Variants in MYO10 observed in about 807,000 individuals in gnomAD.
MYO10 encodes unconventional myosin-X.
In MYO10, 133 loss-of-function variants were observed where a neutral mutation model predicts 257.3. That is an observed-to-expected ratio of 0.52 (90% CI 0.45 to 0.60). MYO10 has a LOEUF of 0.60. MYO10 is among the 20% of genes least tolerant of loss of function. The probability of loss-of-function intolerance (pLI) is 0.00; values close to 1 mark genes in which losing one functional copy is unlikely to be tolerated. For missense variants in MYO10, 2,399 were observed against 2,635.7 expected (o/e 0.91, Z 1.97); for synonymous variants, 1,104 against 1,028.6 (o/e 1.07, Z -1.40).
At chr5:16,721,959 T>C (rs1739169122) in intron 19 of MYO10, among the ~76,000 whole-genome samples, 1 of 152,212 alleles carries the variant, frequency 6.6e-6, no homozygotes, top group African/African-American at 2.4e-5. Flanking sequence ...CCAATTTACC[T>C]TCCCAGTCAA....
intron 1 of MYO10, among the ~76,000 whole-genome samples, chr5:16,895,930 G>A (rs946233904): frequency 3.3e-5 from 5 of 152,202 alleles, no homozygotes; most frequent in African/African-American, 1.2e-4. Flanking sequence ...GGCGGGGGCA[G>A]GGAGGAGCAG....
intron 5 of MYO10, among the ~76,000 whole-genome samples, chr5:16,782,138 A>G (rs535179461): frequency 6.6e-6 from 1 of 152,260 alleles, no homozygotes; most frequent in African/African-American, 2.4e-5. Flanking sequence ...GACTGCACAG[A>G]AAAAGCCCAC....
At chr5:16,695,183 A>C (rs1737685081) in intron 26 of MYO10, among the ~76,000 whole-genome samples, 2 of 151,924 alleles carry the variant, frequency 1.3e-5, no homozygotes, top group South Asian at 4.2e-4. Context: ...AAAATACAAA[A>C]ATTAGCCGGG....
chr5:16,750,794 G>A (rs1160785854), intron 19 of MYO10, among the ~76,000 whole-genome samples: 1 of 152,144 alleles, frequency 6.6e-6, no homozygotes, highest in African/African-American at 2.4e-5. Context: ...TCAAGAGTTT[G>A]AGACCAGCCT....
intron 19 of MYO10, among the ~76,000 whole-genome samples, chr5:16,746,749 C>T (rs748107439): frequency 2.0e-5 from 3 of 152,142 alleles, no homozygotes; most frequent in Non-Finnish European, 2.9e-5. Flanking sequence ...AAGAGCTAAG[C>T]GATAAGAAAT....
At chr5:16,712,485 C>G (rs1430526280) in intron 19 of MYO10, among the ~76,000 whole-genome samples, 1 of 152,114 alleles carries the variant, frequency 6.6e-6, no homozygotes, top group African/African-American at 2.4e-5. Context: ...TTATCCCACA[C>G]AACTGTGAAT....
chr5:16,754,091 G>C (rs1332528919), intron 19 of MYO10, among the ~76,000 whole-genome samples: 1 of 152,082 alleles, frequency 6.6e-6, no homozygotes, highest in South Asian at 2.1e-4. Flanking sequence ...AAAATTTGTA[G>C]GGGTTTTCTC....
chr5:16,701,838 C>T lies in MYO10; in HGVS notation c.2557G>A (p.Glu853Lys), dbSNP rs1738095490. 1 of 1,591,898 alleles carries T rather than the reference C, an allele frequency of 6.3e-7. No homozygotes were observed. Among genetic ancestry groups the T allele is most frequent in the Non-Finnish European group, 8.5e-7 (1 of 1,172,118 alleles). ...RREAELRAQQ[E>K]EETRKQQELE... is the part of the protein sequence containing the mutation. Reference sequence around the variant, plus strand: ...TCTTGCTGCTTCCTCGTTTCTTCTTCCTGGACAGAAGCAGAAGGGAGATTT... The same window carrying T: ...TCTTGCTGCTTCCTCGTTTCTTCTTTCTGGACAGAAGCAGAAGGGAGATTT... The change falls in exon 25 of 41, where the codon GAA (glutamate) becomes AAA (lysine). Residue 853 changes from glutamate (E) to lysine (K), a missense_variant and splice_region_variant. Glu to Lys is a moderately conservative substitution (Grantham distance 56). This residue lies in a region of MYO10 where 1,820 missense variants were observed against 1,939.4 expected (regional missense o/e 0.94). Transcript: ENST00000513610. This position sits in a 1 kb window ranked among gnomAD's most constrained non-coding sequence, Gnocchi z 8.1.
chr5:16,830,006 G>A (rs1007016610), intron 2 of MYO10, among the ~76,000 whole-genome samples: 11 of 152,218 alleles, frequency 7.2e-5, no homozygotes, highest in South Asian at 2.1e-4. Context: ...TTGAGAGGCC[G>A]AGGCAGGCGG....
intron 1 of MYO10, among the ~76,000 whole-genome samples, chr5:16,884,422 C>G (rs1438463260): frequency 2.6e-5 from 4 of 152,122 alleles, no homozygotes; most frequent in African/African-American, 9.7e-5. Context: ...ACACAGAGGT[C>G]AAATAACTTT....
In MYO10 at chr5:16,666,615, G is replaced by T; in HGVS notation, c.*77C>A. ...GCAGCTCTGTGTTTGTTTTGGCTGG[G>T]CATGGCACACTGGAGCCAGCCTAGG... is the stretch of plus-strand genomic sequence containing the variant. On this transcript the variant is annotated 3_prime_UTR_variant, in exon 41 of 41. Transcript: ENST00000513610. The T allele has an allele frequency of 8.0e-7, 1 of 1,253,004 alleles. No homozygotes were observed. The highest frequency in any genetic ancestry group is 1.1e-6 in the Non-Finnish European group (1 of 902,354). The allele number at this position is 1,253,004 out of a possible 1,614,324, so 77.6% of individuals were successfully genotyped here.
chr5:16,786,667 T>C lies in MYO10; in HGVS notation c.468-3198A>G, dbSNP rs578106382. On this transcript the variant is annotated intron_variant, in intron 4 of 40. Coordinates refer to ENST00000513610, the MANE Select transcript of MYO10 (RefSeq NM_012334.3). Reference sequence around the variant, plus strand: ...GCAAAGATTCCAAAATCCAAAAACATTGGAAAAAACCTGAAAGCTGAAATA... The same window carrying C: ...GCAAAGATTCCAAAATCCAAAAACACTGGAAAAAACCTGAAAGCTGAAATA... 9.9e-5 allele frequency among the ~76,000 whole-genome samples: 15 copies of C among 152,142 alleles called. No individual in the cohort carries two copies. The East Asian group carries it at 2.5e-3, about 25-fold the overall frequency.
intron 1 of MYO10, chr5:16,915,984 CACCAT>C: frequency 2.2e-6 from 1 of 446,202 alleles, no homozygotes; most frequent in Non-Finnish European, 4.5e-6. Context: ...AAAAATCACT[CACCAT>C]ACATTTCTTA....
intron 33 of MYO10, among the ~76,000 whole-genome samples, chr5:16,677,390 T>C (rs1736775714): frequency 1.3e-5 from 2 of 151,684 alleles, no homozygotes; most frequent in South Asian, 4.2e-4. Flanking sequence ...CAAACAATTT[T>C]ATGGACTTAT....
chr5:16,688,066 G>C (rs527523265), intron 28 of MYO10, among the ~76,000 whole-genome samples: 1 of 152,152 alleles, frequency 6.6e-6, no homozygotes, highest in Non-Finnish European at 1.5e-5. Context: ...CAGGTTCATC[G>C]TGGCATAAAA....
intron 3 of MYO10, among the ~76,000 whole-genome samples, chr5:16,798,100 C>T (rs1742020721): frequency 6.6e-6 from 1 of 152,154 alleles, no homozygotes; most frequent in Non-Finnish European, 1.5e-5. Context: ...CATGTGATGC[C>T]TCAGGCCATG....
chr5:16,924,945 C>T (rs927093252), intron 1 of MYO10, among the ~76,000 whole-genome samples: 1 of 151,574 alleles, frequency 6.6e-6, no homozygotes, highest in Non-Finnish European at 1.5e-5. Flanking sequence ...ATTCTCCTGC[C>T]TCAGCCTCCC....
intron 3 of MYO10, among the ~76,000 whole-genome samples, chr5:16,808,395 C>A (rs1157643046): frequency 6.6e-6 from 1 of 152,122 alleles, no homozygotes; most frequent in African/African-American, 2.4e-5. Context: ...ACTGCTTGAG[C>A]CCAGGAGTTG....
At chr5:16,682,043 C>A (rs1190379820) in intron 30 of MYO10, 30 bp from the exon 31 acceptor site, 1 of 1,605,520 alleles carries the variant, frequency 6.2e-7, no homozygotes, top group Non-Finnish European at 8.5e-7. Context: ...GGAAACAAAG[C>A]CCCTTAGCCC....
Sources: allele counts gnomAD v4.1 joint callset (sites outside exome capture counted in the v4.1 genomes callset), GRCh38; gene constraint gnomAD v4.1.1; regional missense constraint gnomAD v4.1.1; non-coding constraint Gnocchi (gnomAD v3.1); transcripts MANE v1.5; gene names NCBI Gene and HGNC (gene_info 2026-07-23, HGNC 2026-07-21).